PDZRN4: variants seen among roughly 807,000 people sequenced by gnomAD.
PDZRN4 encodes the protein PDZ domain containing ring finger 4.
PDZRN4 carries 70 observed loss-of-function variants against 99.0 expected under a neutral mutation model. The observed-to-expected ratio is 0.71, with a 90% CI of 0.58 to 0.86. The LOEUF (loss-of-function observed/expected upper bound fraction) is 0.86, where lower values mean the gene tolerates loss of function less well. Ranked by LOEUF, PDZRN4 falls within the 40% of genes least tolerant of loss-of-function variation. The pLI, the probability that PDZRN4 is intolerant of heterozygous loss-of-function variation, is 0.00. For synonymous variants in PDZRN4, 551 were observed against 501.6 expected, an observed-to-expected ratio of 1.10 and a Z score of -1.32; for missense variants, 1,474 against 1,331.2, an observed-to-expected ratio of 1.11 and a Z score of -1.67.
chr12:41,256,999 C>T (rs1323740290), intron 3 of PDZRN4, among the ~76,000 whole-genome samples: 1 of 152,150 alleles, frequency 6.6e-6, no homozygotes, highest in African/African-American at 2.4e-5. Context: ...CACTTTCCTC[C>T]ACATTCTTCA....
intron 3 of PDZRN4, among the ~76,000 whole-genome samples, chr12:41,437,439 G>A (rs1952639772): frequency 6.6e-6 from 1 of 152,068 alleles, no homozygotes; most frequent in African/African-American, 2.4e-5. Flanking sequence ...GAGAAATTAA[G>A]TGTATGTTTT....
intron 3 of PDZRN4, among the ~76,000 whole-genome samples, chr12:41,275,601 C>T (rs756336402): frequency 1.3e-4 from 20 of 152,068 alleles, no homozygotes; most frequent in South Asian, 2.1e-4. Flanking sequence ...CTGTGCTAGG[C>T]GGTTGGTGTA....
chr12:41,356,513 C>T lies in PDZRN4; in HGVS notation c.844-149943C>T, dbSNP rs529746683. Among the ~76,000 whole-genome samples, 38 of 152,030 alleles carry T rather than the reference C, an allele frequency of 2.5e-4. 2 individuals are homozygous for T. In the Middle Eastern group the frequency reaches 0.01, roughly 41 times the overall value. On this transcript the variant is annotated intron_variant, in intron 3 of 9. Transcript: ENST00000402685. ...ATTGACAAGAAGAATTCTATATTGA[C>T]TAAGAACCTAATGATGTCTTCCCAA... is the stretch of plus-strand genomic sequence containing the variant.
chr12:41,340,784 C>T (rs184949418), intron 3 of PDZRN4, among the ~76,000 whole-genome samples: 1 of 151,752 alleles, frequency 6.6e-6, no homozygotes, highest in Non-Finnish European at 1.5e-5. Context: ...CTGAATTCTT[C>T]CATAGATTTA....
intron 3 of PDZRN4, among the ~76,000 whole-genome samples, chr12:41,469,733 C>A (rs944224797): frequency 1.3e-5 from 2 of 152,020 alleles, no homozygotes; most frequent in Admixed American, 6.6e-5. Flanking sequence ...AGATCGAGAC[C>A]ATCCTGGCTA....
intron 3 of PDZRN4, among the ~76,000 whole-genome samples, chr12:41,401,148 A>T (rs919054047): frequency 3.3e-5 from 5 of 152,164 alleles, no homozygotes; most frequent in African/African-American, 1.2e-4. Flanking sequence ...GTTTTGCCTA[A>T]TAATTTATTC....
At chr12:41,298,063 G>T (rs1251489971) in intron 3 of PDZRN4, among the ~76,000 whole-genome samples, 1 of 151,974 alleles carries the variant, frequency 6.6e-6, no homozygotes, top group Non-Finnish European at 1.5e-5. Context: ...CTGTCCTACA[G>T]AATACAGAAA....
intron 3 of PDZRN4, among the ~76,000 whole-genome samples, chr12:41,408,649 A>G (rs1047984146): frequency 6.6e-6 from 1 of 152,136 alleles, no homozygotes; most frequent in Non-Finnish European, 1.5e-5. Context: ...AATTTTATAT[A>G]TTTTTCCAAA....
At chr12:41,464,557 G>T (rs568702564) in intron 3 of PDZRN4, among the ~76,000 whole-genome samples, 1 of 152,108 alleles carries the variant, frequency 6.6e-6, no homozygotes, top group African/African-American at 2.4e-5. Context: ...ATTCTTTTTG[G>T]CATAAAATTT....
rs571586268 is a variant in PDZRN4 at position 41,297,556 on chromosome 12, C to A, written c.843+103368C>A. On this transcript the variant is annotated intron_variant, in intron 3 of 9. Transcript: ENST00000402685. ...GTTCTGACACCATTAAAATTGAGGG[C>A]AGACAGTAAACTAGTGCTGGCTGGC... Among the ~76,000 whole-genome samples the A allele has an allele frequency of 3.9e-5, 6 of 152,218 alleles. No individual in the cohort carries two copies. The East Asian group carries it at 9.7e-4, about 25-fold the overall frequency.
intron 3 of PDZRN4, among the ~76,000 whole-genome samples, chr12:41,328,954 C>G (rs576674362): frequency 6.6e-6 from 1 of 152,236 alleles, no homozygotes; most frequent in Admixed American, 6.5e-5. Context: ...ACAGAGTTCA[C>G]TAATGCCTTT....
chr12:41,388,107 A>C (rs1392631562), intron 3 of PDZRN4, among the ~76,000 whole-genome samples: 1 of 152,206 alleles, frequency 6.6e-6, no homozygotes, highest in Non-Finnish European at 1.5e-5. Flanking sequence ...AGAATGAGAT[A>C]ATGTCCTTTG....
chr12:41,226,207 G>T (rs1233506352), intron 3 of PDZRN4, among the ~76,000 whole-genome samples: 1 of 152,100 alleles, frequency 6.6e-6, no homozygotes, highest in East Asian at 1.9e-4. Flanking sequence ...TCATGGCTTT[G>T]CTCCAACATG....
chr12:41,221,697 C>T (rs975602), intron 3 of PDZRN4, among the ~76,000 whole-genome samples: 89,887 of 151,780 alleles, frequency 0.59, 26,877 homozygotes, highest in Middle Eastern at 0.68. Context: ...GGTCAAATTA[C>T]GGTGACTCAG....
intron 3 of PDZRN4, among the ~76,000 whole-genome samples, chr12:41,304,205 C>T (rs995606106): frequency 3.3e-5 from 5 of 152,110 alleles, no homozygotes; most frequent in South Asian, 2.1e-4. Context: ...AAAGTGCTTT[C>T]CTATATGTCA....
intron 3 of PDZRN4, among the ~76,000 whole-genome samples, chr12:41,345,399 T>C: frequency 6.6e-6 from 1 of 152,174 alleles, no homozygotes; most frequent in East Asian, 1.9e-4. Flanking sequence ...TGTGGATGGT[T>C]AATACTGCTA....
chr12:41,567,981 C>A, intron 9 of PDZRN4, 82 bp downstream of exon 9: 30 of 772,028 alleles, frequency 3.9e-5, no homozygotes, highest in East Asian at 1.7e-4. Flanking sequence ...AAGATGAAAA[C>A]AAAATCAAAG....
At chr12:41,296,687 T>A (rs892458612) in intron 3 of PDZRN4, among the ~76,000 whole-genome samples, 3 of 152,174 alleles carry the variant, frequency 2.0e-5, no homozygotes, top group African/African-American at 7.2e-5. Context: ...AGGCTGGGCA[T>A]GGTGGCTTAC....
chr12:41,520,975 T>G (rs963463769), intron 5 of PDZRN4, among the ~76,000 whole-genome samples: 5 of 152,106 alleles, frequency 3.3e-5, no homozygotes, highest in African/African-American at 1.2e-4. Context: ...TTACTTAAAA[T>G]AAGACATTTA....
Sources: allele counts gnomAD v4.1 joint callset (sites outside exome capture counted in the v4.1 genomes callset), GRCh38; gene constraint gnomAD v4.1.1; transcripts MANE v1.5; gene names NCBI Gene and HGNC (gene_info 2026-07-23, HGNC 2026-07-21).